Variants in MEGF10 observed in about 807,000 individuals in gnomAD.
MEGF10 encodes the protein multiple epidermal growth factor-like domains protein 10.
Under a neutral mutation model 147.5 loss-of-function variants are expected in MEGF10, and 86 were observed. The ratio of observed to expected loss-of-function variants is 0.58; its 90% confidence interval spans 0.49 to 0.70. The LOEUF is 0.70. MEGF10 is among the 30% of genes least tolerant of loss of function. The pLI is 0.00. For synonymous variants in MEGF10, 478 were observed against 525.5 expected, an observed-to-expected ratio of 0.91 and a Z score of 1.24; for missense variants, 1,329 against 1,487.3, an observed-to-expected ratio of 0.89 and a Z score of 1.75.
At chr5:127,439,899 A>T (rs1285251860) in intron 17 of MEGF10, among the ~76,000 whole-genome samples, 6 of 152,220 alleles carry the variant, frequency 3.9e-5, no homozygotes, top group Non-Finnish European at 5.9e-5. Flanking sequence ...TGCTAAATAA[A>T]TGCATGACAG....
At chr5:127,245,787 G>C in the MEGF10 span, among the ~76,000 whole-genome samples, 2 of 152,136 alleles carry the variant, frequency 1.3e-5, no homozygotes, top group Non-Finnish European at 2.9e-5. Flanking sequence ...ATCAAAAAGT[G>C]GGTGAAGGAT....
intron 4 of MEGF10, among the ~76,000 whole-genome samples, chr5:127,346,028 A>G (rs1298473228): frequency 6.6e-6 from 1 of 152,084 alleles, no homozygotes; most frequent in African/African-American, 2.4e-5. Context: ...TCATTATTTA[A>G]TTCCTTTTTA....
chr5:127,408,640 A>G lies in MEGF10; in HGVS notation c.918-1749A>G, dbSNP rs1409093718. ...AGGTCAATTACTCCATAACTTTTCT[A>G]ATGGTTTGTTGAGCAGTTGAAGGTT... is the stretch of plus-strand genomic sequence containing the variant. On this transcript the variant is annotated intron_variant, in intron 8 of 24. Coordinates refer to ENST00000503335, the MANE Select transcript of MEGF10 (RefSeq NM_001256545.2). Among the ~76,000 whole-genome samples the G allele has an allele frequency of 2.6e-5, 4 of 152,182 alleles. No homozygotes were observed. In the East Asian group the frequency reaches 7.7e-4, roughly 29 times the overall value.
At chr5:127,410,776 T>A (rs909786702) in intron 9 of MEGF10, among the ~76,000 whole-genome samples, 175 bp downstream of exon 9, 1 of 152,242 alleles carries the variant, frequency 6.6e-6, no homozygotes, top group Non-Finnish European at 1.5e-5. Flanking sequence ...TAATGTGTGA[T>A]GGTCTACATT....
Position 127,343,516 on chromosome 5 carries a change from G to A in MEGF10, c.319+2886G>A, listed in dbSNP as rs375974471. 5.9e-5 allele frequency among the ~76,000 whole-genome samples: 9 copies of A among 152,136 alleles called. No homozygotes were observed. In the South Asian group the frequency reaches 1.5e-3, roughly 25 times the overall value. On this transcript the variant is annotated intron_variant, in intron 4 of 24. Transcript: ENST00000503335. ...TGTGGGGACCTGACCGGCTGTCTTC[G>A]TTATCAAGTGTTAGTGACATGTCCT... is the stretch of plus-strand genomic sequence containing the variant.
intron 4 of MEGF10, among the ~76,000 whole-genome samples, chr5:127,341,735 C>T (rs1258037523): frequency 9.9e-5 from 15 of 151,954 alleles, no homozygotes; most frequent in Admixed American, 2.0e-4. Context: ...AATAAAAATA[C>T]GTTGTGAATA....
At chr5:127,288,410 T>C (rs1759097725), upstream of MEGF10, among the ~76,000 whole-genome samples, 1 of 152,074 alleles carries the variant, frequency 6.6e-6, no homozygotes, top group Non-Finnish European at 1.5e-5. Context: ...AAAGACTTGA[T>C]TAAAAATTGG....
chr5:127,380,578 C>T (rs999924455), intron 5 of MEGF10, among the ~76,000 whole-genome samples: 1 of 150,566 alleles, frequency 6.6e-6, no homozygotes, highest in African/African-American at 2.4e-5. Flanking sequence ...AGTGCAGTGG[C>T]GCAATCTTGG....
At chr5:127,454,852 A>G (rs1322563478) in intron 23 of MEGF10, among the ~76,000 whole-genome samples, 2 of 152,318 alleles carry the variant, frequency 1.3e-5, no homozygotes, top group African/African-American at 2.4e-5. Context: ...GGAAACACTC[A>G]TATTTCATTT....
At chr5:127,375,066 T>G (rs1762976460) in intron 5 of MEGF10, among the ~76,000 whole-genome samples, 1 of 152,228 alleles carries the variant, frequency 6.6e-6, no homozygotes, top group Non-Finnish European at 1.5e-5. Context: ...ATCCTCGGGT[T>G]CCAGACCTAG....
intron 19 of MEGF10, among the ~76,000 whole-genome samples, chr5:127,443,368 T>C (rs1209568758): frequency 6.6e-6 from 1 of 152,246 alleles, no homozygotes; most frequent in Non-Finnish European, 1.5e-5. Flanking sequence ...TACTAGAATA[T>C]GTCACAGCTT....
At chr5:127,352,962 C>T (rs1023306643) in intron 4 of MEGF10, among the ~76,000 whole-genome samples, 2 of 152,210 alleles carry the variant, frequency 1.3e-5, no homozygotes, top group African/African-American at 2.4e-5. Flanking sequence ...TTGCACTCAT[C>T]GACATCACGG....
chr5:127,416,010 A>AGTTTTT (rs772484128), intron 9 of MEGF10, among the ~76,000 whole-genome samples: 1 of 123,976 alleles, frequency 8.1e-6, no homozygotes, highest in South Asian at 2.2e-4. Flanking sequence ...ACAAGGGCTC[A>AGTTTTT]GTTTTTGTTT....
In MEGF10 at chr5:127,402,694, C is replaced by T. The variant is rs1388721585; in HGVS notation, c.917+12C>T. 1 of 1,612,998 alleles carries T rather than the reference C, an allele frequency of 6.2e-7. No homozygotes were observed. The highest frequency in any genetic ancestry group is 8.5e-7 in the Non-Finnish European group (1 of 1,179,530). ...TACACAGGGGAACGGTAAGGGATGC[C>T]CTTGTATTTCTCTGACTGTTTATAA... is the stretch of plus-strand genomic sequence containing the variant. On this transcript the variant is annotated intron_variant, in intron 8 of 24. Transcript: ENST00000503335.
At chr5:127,257,158 C>T in the MEGF10 span, among the ~76,000 whole-genome samples, 2 of 152,074 alleles carry the variant, frequency 1.3e-5, no homozygotes, top group Non-Finnish European at 2.9e-5. Context: ...CTTGGAGCTA[C>T]TTCTTATAGA....
intron 8 of MEGF10, among the ~76,000 whole-genome samples, chr5:127,406,580 T>C (rs959255242): frequency 3.3e-5 from 5 of 152,086 alleles, no homozygotes; most frequent in Non-Finnish European, 5.9e-5. Context: ...ATTTGATCAG[T>C]GAGGTTAGGG....
At chr5:127,339,548 A>G (rs1189491587) in intron 3 of MEGF10, among the ~76,000 whole-genome samples, 1 of 152,176 alleles carries the variant, frequency 6.6e-6, no homozygotes, top group Non-Finnish European at 1.5e-5. Flanking sequence ...AGCAATTCAT[A>G]TCTTCGCATA....
At chr5:127,273,900 AAAATT>A in the MEGF10 span, among the ~76,000 whole-genome samples, 7 of 152,220 alleles carry the variant, frequency 4.6e-5, no homozygotes, top group Non-Finnish European at 7.4e-5. Flanking sequence ...TAAATTAATT[AAAATT>A]AAATTAAATG....
chr5:127,419,419 T>A (rs187816353), intron 11 of MEGF10, among the ~76,000 whole-genome samples, 179 bp downstream of exon 11: 1 of 152,250 alleles, frequency 6.6e-6, no homozygotes, highest in Non-Finnish European at 1.5e-5. Flanking sequence ...GGGAAGAGGC[T>A]CACATTAGAT....
Sources: allele counts gnomAD v4.1 joint callset (sites outside exome capture counted in the v4.1 genomes callset), GRCh38; gene constraint gnomAD v4.1.1; transcripts MANE v1.5; gene names NCBI Gene and HGNC (gene_info 2026-07-23, HGNC 2026-07-21).